The following KCNU1 variants were observed in gnomAD, a reference collection of about 807,000 sequenced individuals.
The protein encoded by KCNU1 is potassium channel subfamily U member 1.
In KCNU1, 93 loss-of-function variants were observed where a neutral mutation model predicts 126.8. The observed-to-expected ratio is 0.73, with a 90% CI of 0.62 to 0.87. KCNU1 has a LOEUF of 0.87. KCNU1 is among the 40% of genes least tolerant of loss of function. KCNU1 has a pLI of 0.00. For synonymous variants in KCNU1, 523 were observed against 494.2 expected (o/e 1.06, Z -0.77); for missense variants, 1,330 against 1,367.1 (o/e 0.97, Z 0.43).
At chr8:36,934,425 G>A (rs551828940) in intron 26 of KCNU1, among the ~76,000 whole-genome samples, 2 of 152,006 alleles carry the variant, frequency 1.3e-5, no homozygotes, top group African/African-American at 2.4e-5. Context: ...AGACAATGGG[G>A]GAGGAGTGAT....
intron 19 of KCNU1, among the ~76,000 whole-genome samples, chr8:36,890,880 C>A (rs1174990783): frequency 1.3e-5 from 2 of 150,560 alleles, no homozygotes; most frequent in African/African-American, 5.0e-5. Context: ...CACTACAGTT[C>A]TCCTTTAATT....
At chr8:36,928,929 A>G (rs749102633) in intron 24 of KCNU1, 3 of 666,836 alleles carry the variant, frequency 4.5e-6, no homozygotes, top group East Asian at 5.6e-5. Flanking sequence ...CCAGAAATCT[A>G]CACTCATTAA....
chr8:36,828,897 TATATATAC>T lies in KCNU1; in HGVS notation c.1107-4653_1107-4646del, dbSNP rs1450702509. 2.0e-5 allele frequency among the ~76,000 whole-genome samples: 3 copies of T among 152,148 alleles called. No individual in the cohort carries two copies. The East Asian group carries it at 5.8e-4, about 29-fold the overall frequency. On this transcript the variant is annotated intron_variant, in intron 10 of 26. Transcript: ENST00000399881. ...AGGAATGTGTAAGAGACTTCACACA[TATATATAC>T]ATACACATTCTTTCCAACAACTGGT...
At chr8:36,859,147 A>G (rs1805640159) in intron 18 of KCNU1, among the ~76,000 whole-genome samples, 1 of 152,198 alleles carries the variant, frequency 6.6e-6, no homozygotes, top group African/African-American at 2.4e-5. Context: ...TCCTGGTTCT[A>G]ACTAAAATGT....
chr8:36,872,273 C>A (rs1013515576), intron 19 of KCNU1, among the ~76,000 whole-genome samples: 5 of 152,164 alleles, frequency 3.3e-5, no homozygotes, highest in African/African-American at 1.2e-4. Flanking sequence ...CCCTAACTAA[C>A]AAATTTCAGG....
intron 22 of KCNU1, among the ~76,000 whole-genome samples, chr8:36,914,975 A>G (rs1410015362): frequency 6.6e-6 from 1 of 152,212 alleles, no homozygotes; most frequent in Non-Finnish European, 1.5e-5. Flanking sequence ...GATCTGACAC[A>G]TTCAAATTAA....
intron 12 of KCNU1, 68 bp from the exon 13 acceptor site, chr8:36,836,228 A>G: frequency 1.0e-6 from 1 of 979,762 alleles, no homozygotes; most frequent in Admixed American, 2.0e-5. Context: ...TTAACTCTGA[A>G]TTAAATTATA....
At chr8:36,837,911 T>C (rs1804813360) in intron 14 of KCNU1, among the ~76,000 whole-genome samples, 1 of 97,648 alleles carries the variant, frequency 1.0e-5, no homozygotes, top group Non-Finnish European at 2.4e-5. Flanking sequence ...CTCTTTCCTC[T>C]GTTCTCTTTT....
chr8:36,838,477 G>A (rs1209662698), intron 14 of KCNU1, among the ~76,000 whole-genome samples: 1 of 152,130 alleles, frequency 6.6e-6, no homozygotes, highest in East Asian at 1.9e-4. Flanking sequence ...GGTCACTCGA[G>A]CTCAGGAGTT....
At chr8:36,923,501 C>T (rs981033864) in intron 24 of KCNU1, among the ~76,000 whole-genome samples, 1 of 152,094 alleles carries the variant, frequency 6.6e-6, no homozygotes, top group Non-Finnish European at 1.5e-5. Context: ...GGAGAGAACA[C>T]AGCATTCAGA....
At chr8:36,823,519 T>C (rs528172871) in intron 10 of KCNU1, among the ~76,000 whole-genome samples, 25 of 152,130 alleles carry the variant, frequency 1.6e-4, no homozygotes, top group Non-Finnish European at 3.7e-4. Context: ...CAAATAAATA[T>C]TGTTCATTGT....
In KCNU1 at chr8:36,922,550, A is replaced by T. The variant is rs1327010288; in HGVS notation, c.2657A>T (p.Glu886Val). Residue 886 changes from glutamate to valine, a missense_variant, in exon 24 of 27, where the codon GAA (glutamate) becomes GTA (valine). By Grantham distance (121) the Glu-to-Val change is moderately radical. Around this residue, in one of 3 missense-constraint regions of KCNU1, gnomAD observed 1,054 missense variants for 1,053.9 expected, o/e 1.00. Transcript: ENST00000399881. ...GGTGGACTGGAAGGGTCCCTCCAAG[A>T]AACAAATCTGCATCTCAGCACTGCC... The part of the protein sequence containing the change: ...QLGGLEGSLQ[E>V]TNLHLSTAFS... The T allele has an allele frequency of 6.2e-7, 1 of 1,613,618 alleles. No homozygotes were observed. The highest frequency in any genetic ancestry group is 2.2e-5 in the East Asian group (1 of 44,842).
At chr8:36,901,287 A>G (rs1807408498) in intron 19 of KCNU1, among the ~76,000 whole-genome samples, 1 of 152,072 alleles carries the variant, frequency 6.6e-6, no homozygotes, top group East Asian at 1.9e-4. Context: ...GTTTTCTTAC[A>G]TGGTTTGGTC....
rs1014512344 is a variant in KCNU1 at position 36,824,133 on chromosome 8, G to A, written c.1106+6373G>A. ...ATTGCAAGCGTGAGCCACCACACCC[G>A]GCCCCTGTTTAAGCCTTTTTTATTC... On this transcript the variant is annotated intron_variant, in intron 10 of 26. Coordinates refer to ENST00000399881, the MANE Select transcript of KCNU1 (RefSeq NM_001031836.3). Among the ~76,000 whole-genome samples, 6 of 152,012 alleles carry A rather than the reference G, an allele frequency of 3.9e-5. No homozygotes were observed. In the South Asian group the frequency reaches 8.3e-4, roughly 21 times the overall value.
intron 19 of KCNU1, among the ~76,000 whole-genome samples, chr8:36,874,877 C>G (rs1806224079): frequency 6.6e-6 from 1 of 151,806 alleles, no homozygotes; most frequent in Non-Finnish European, 1.5e-5. Flanking sequence ...CTTGAACGTC[C>G]CTTTCCCTCC....
At chr8:36,828,556 T>C (rs1048891752) in intron 10 of KCNU1, among the ~76,000 whole-genome samples, 1 of 152,144 alleles carries the variant, frequency 6.6e-6, no homozygotes, top group African/African-American at 2.4e-5. Context: ...TTATATTATG[T>C]TAGTAAGATG....
intron 18 of KCNU1, among the ~76,000 whole-genome samples, chr8:36,861,573 G>A (rs1805731357): frequency 1.3e-5 from 2 of 152,118 alleles, no homozygotes; most frequent in Non-Finnish European, 2.9e-5. Flanking sequence ...TGCTTTTTCG[G>A]CTTCTAAAAC....
chr8:36,865,524 A>G (rs1205186328), intron 19 of KCNU1, among the ~76,000 whole-genome samples: 2 of 151,614 alleles, frequency 1.3e-5, no homozygotes, highest in Admixed American at 1.3e-4. Context: ...CCAGTGCTTT[A>G]GGAGGCTGAG....
chr8:36,854,350 C>A (rs1172864938), intron 18 of KCNU1, among the ~76,000 whole-genome samples: 1 of 152,042 alleles, frequency 6.6e-6, no homozygotes, highest in Non-Finnish European at 1.5e-5. Flanking sequence ...TCATTAAATC[C>A]TTTGGTACAC....
Sources: gnomAD v4.1 joint callset for allele counts (sites outside exome capture counted in the v4.1 genomes callset) on GRCh38, gnomAD v4.1.1 for gene constraint, gnomAD v4.1.1 regional missense constraint, MANE v1.5 for transcripts, NCBI Gene and HGNC (gene_info 2026-07-23, HGNC 2026-07-21) for gene names.